Variants in RORA observed in about 807,000 individuals in gnomAD.
RORA encodes nuclear receptor ROR-alpha.
In RORA, 7 loss-of-function variants were observed where a neutral mutation model predicts 69.5. The ratio of observed to expected loss-of-function variants is 0.10; its 90% CI spans 0.06 to 0.19. RORA has a LOEUF of 0.19. Ranked by LOEUF, RORA falls within the 10% of genes least tolerant of loss-of-function variation. The probability of loss-of-function intolerance (pLI) is 1.00; values close to 1 mark genes in which losing one functional copy is unlikely to be tolerated. For synonymous variants in RORA, 261 were observed against 240.8 expected (o/e 1.08, Z -0.78); for missense variants, 457 against 663.0 (o/e 0.69, Z 3.41).
chr15:61,015,583 C>T (rs1452519478), intron 1 of RORA, among the ~76,000 whole-genome samples: 2 of 152,064 alleles, frequency 1.3e-5, no homozygotes, highest in African/African-American at 2.4e-5. Flanking sequence ...ATGTAGAAGA[C>T]GCTGTATTGA....
At chr15:60,604,107 T>C (rs1011828913) in intron 2 of RORA, among the ~76,000 whole-genome samples, 2 of 126,856 alleles carry the variant, frequency 1.6e-5, no homozygotes, top group Middle Eastern at 5.5e-3. Context: ...CACTCCAGCC[T>C]GGGTGACAGA....
chr15:61,110,133 T>A (rs1331229635), intron 1 of RORA, among the ~76,000 whole-genome samples: 1 of 152,218 alleles, frequency 6.6e-6, no homozygotes, highest in African/African-American at 2.4e-5. Context: ...GCATGGTGGC[T>A]CACGCCTGTA....
intron 1 of RORA, among the ~76,000 whole-genome samples, chr15:60,739,611 A>G (rs920637010): frequency 5.3e-5 from 8 of 151,794 alleles, no homozygotes; most frequent in Non-Finnish European, 1.0e-4. Context: ...ACTTCACCAC[A>G]CTTCCAGGAA....
intron 2 of RORA, among the ~76,000 whole-genome samples, chr15:60,569,075 T>C (rs1048408945): frequency 1.3e-5 from 2 of 152,018 alleles, no homozygotes; most frequent in Non-Finnish European, 2.9e-5. Context: ...ATTTAGAATC[T>C]AATCATTTCT....
At chr15:60,607,520 T>A (rs2068977753) in intron 2 of RORA, among the ~76,000 whole-genome samples, 1 of 152,216 alleles carries the variant, frequency 6.6e-6, no homozygotes, top group South Asian at 2.1e-4. Context: ...GACTTAGGTG[T>A]TCTTGTTTCA....
intron 1 of RORA, among the ~76,000 whole-genome samples, chr15:61,070,995 A>G (rs2078334222): frequency 6.6e-6 from 1 of 151,518 alleles, no homozygotes; most frequent in Non-Finnish European, 1.5e-5. Context: ...CTCTGTAAAT[A>G]CCCCATTAGT....
intron 1 of RORA, among the ~76,000 whole-genome samples, chr15:60,805,042 T>C (rs894246354): frequency 2.6e-5 from 4 of 152,176 alleles, no homozygotes; most frequent in African/African-American, 9.7e-5. Context: ...CAGTTTTGTT[T>C]AAGGCGTGAA....
chr15:61,121,825 GA>G (rs369791069), intron 1 of RORA, among the ~76,000 whole-genome samples: 60,111 of 115,530 alleles, frequency 0.52, 12,636 homozygotes, highest in African/African-American at 0.59. Flanking sequence ...ACTGCCAAAA[GA>G]AAAAAAAAAA....
intron 2 of RORA, chr15:60,592,308 A>C (rs922678400): frequency 3.9e-6 from 4 of 1,031,386 alleles, no homozygotes; most frequent in African/African-American, 3.5e-5. Flanking sequence ...AGGCGCGCCC[A>C]CCCCTCCCCC....
chr15:60,658,276 A>G (rs1295969047), intron 2 of RORA, among the ~76,000 whole-genome samples: 4 of 151,976 alleles, frequency 2.6e-5, no homozygotes, highest in Non-Finnish European at 5.9e-5. Context: ...GCTGGTCTCA[A>G]ACTCCTGACC....
rs569224007 is a variant in RORA at position 60,969,933 on chromosome 15, C to G, written c.166+259120G>C. On this transcript the variant is annotated intron_variant, in intron 1 of 10. Coordinates refer to ENST00000335670, the MANE Select transcript of RORA (RefSeq NM_134261.3). ...TTAAATGTGGTCCTGTGGGTGATGC[C>G]TGAATCTGATAGGATTAGTGTTTTC... is the stretch of plus-strand genomic sequence containing the variant. Among the ~76,000 whole-genome samples the G allele has an allele frequency of 7.9e-4, 120 of 152,262 alleles. 1 individual carries two copies. Among genetic ancestry groups the G allele is most frequent in the Middle Eastern group, 6.8e-3 (2 of 294 alleles).
chr15:61,005,541 T>C (rs192553683), intron 1 of RORA, among the ~76,000 whole-genome samples: 3 of 152,282 alleles, frequency 2.0e-5, no homozygotes, highest in Non-Finnish European at 4.4e-5. Flanking sequence ...GCTGAGGAAA[T>C]GTTGCTAACC....
chr15:61,017,019 T>C (rs1895315104), intron 1 of RORA, among the ~76,000 whole-genome samples: 1 of 151,206 alleles, frequency 6.6e-6, no homozygotes, highest in Non-Finnish European at 1.5e-5. Flanking sequence ...GTCACACCAT[T>C]ATTATTATTA....
intron 2 of RORA, among the ~76,000 whole-genome samples, chr15:60,623,001 C>A (rs918877916): frequency 1.3e-5 from 2 of 152,228 alleles, no homozygotes; most frequent in African/African-American, 4.8e-5. Flanking sequence ...CAGGCATGAG[C>A]CACTATGCCC....
intron 1 of RORA, among the ~76,000 whole-genome samples, chr15:60,912,448 C>A (rs1566906986): frequency 6.6e-6 from 1 of 150,840 alleles, no homozygotes; most frequent in African/African-American, 2.5e-5. Flanking sequence ...CAAAACAAAA[C>A]AAAAAAACAA....
chr15:60,960,546 C>G (rs987386590), intron 1 of RORA, among the ~76,000 whole-genome samples: 1 of 152,016 alleles, frequency 6.6e-6, no homozygotes, highest in African/African-American at 2.4e-5. Flanking sequence ...AATGGGGCAG[C>G]GACTAGAGAG....
chr15:60,705,776 G>A (rs1052682911), intron 1 of RORA, among the ~76,000 whole-genome samples: 2 of 151,984 alleles, frequency 1.3e-5, no homozygotes, highest in African/African-American at 4.8e-5. Flanking sequence ...AGGAAAACTG[G>A]GAGATAATTT....
At chr15:61,209,599 G>A (rs1475139711) in intron 1 of RORA, among the ~76,000 whole-genome samples, 2 of 152,174 alleles carry the variant, frequency 1.3e-5, no homozygotes, top group Non-Finnish European at 2.9e-5. Flanking sequence ...TAGAAGGTGG[G>A]GCCTCTAGAA....
chr15:60,528,411 T>C (rs1427954044), intron 3 of RORA: 1 of 150,188 alleles, frequency 6.7e-6, no homozygotes, highest in Non-Finnish European at 1.5e-5. Flanking sequence ...TTACTCTATA[T>C]TAGTTCTTGC....
Sources: gnomAD v4.1 joint callset for allele counts (sites outside exome capture counted in the v4.1 genomes callset) on GRCh38, gnomAD v4.1.1 for gene constraint, MANE v1.5 for transcripts, NCBI Gene and HGNC (gene_info 2026-07-23, HGNC 2026-07-21) for gene names.